PCCB: variants seen among roughly 807,000 people sequenced by gnomAD.
PCCB encodes propionyl-CoA carboxylase subunit beta.
A neutral mutation model predicts 60.7 loss-of-function variants in PCCB; 43 were observed. The ratio of observed to expected loss-of-function variants is 0.71; its 90% CI spans 0.55 to 0.91. The LOEUF (loss-of-function observed/expected upper bound fraction) is 0.91. PCCB is among the 40% of genes least tolerant of loss of function. The pLI is 0.00. For missense variants in PCCB, 766 were observed against 702.8 expected, an observed-to-expected ratio of 1.09 and a Z score of -1.02; for synonymous variants, 276 against 255.9, an observed-to-expected ratio of 1.08 and a Z score of -0.75.
intron 5 of PCCB, among the ~76,000 whole-genome samples, chr3:136,263,277 T>TAA (rs1941880041): frequency 3.2e-4 from 44 of 135,570 alleles, no homozygotes; most frequent in African/African-American, 1.1e-3. Flanking sequence ...TTTTTAATAT[T>TAA]TATTTATTTA....
rs1263629152 is a variant in PCCB at position 136,302,583 on chromosome 3, C to CT, written c.966+1475dup. On this transcript the variant is annotated intron_variant, in intron 9 of 14. Transcript: ENST00000251654. ...TTTATTTTATTTTATTATTATTATA[C>CT]TTTAAGTTTTAGGGTACATGTGCAC... is the stretch of plus-strand genomic sequence containing the variant. Among the ~76,000 whole-genome samples, 6 of 113,664 alleles carry CT rather than the reference C, an allele frequency of 5.3e-5. 2 individuals carry two copies. The highest frequency in any genetic ancestry group is 9.7e-5 in the Non-Finnish European group (5 of 51,346). The allele number at this position is 113,664 out of a possible 152,430, so 74.6% of individuals were successfully genotyped here. A position where few individuals can be genotyped will look rare whatever the true frequency, so the allele number is the denominator to read the frequency against.
At chr3:136,289,945 G>GAT (rs1933598178) in intron 6 of PCCB, among the ~76,000 whole-genome samples, 1 of 152,038 alleles carries the variant, frequency 6.6e-6, no homozygotes, top group East Asian at 1.9e-4. Context: ...TCCCTCATAT[G>GAT]ATATATATAA....
rs7618114 is a variant in PCCB, at chr3:136,310,724, T to G, written c.967-6217T>G. On this transcript the variant is annotated intron_variant, in intron 9 of 14. Transcript: ENST00000251654. ...AGTACTTAAGATTTCAGTTTCATAT[T>G]GCTTATTTCTTTAAAATTATATCTG... Among the ~76,000 whole-genome samples, 819 of 152,350 alleles carry G rather than the reference T, an allele frequency of 5.4e-3. 8 individuals carry two copies. Among genetic ancestry groups the G allele is most frequent in the African/African-American group, 0.018 (758 of 41,572 alleles).
intron 6 of PCCB, among the ~76,000 whole-genome samples, chr3:136,291,105 G>A (rs1933668392): frequency 6.6e-6 from 1 of 151,730 alleles, no homozygotes; most frequent in African/African-American, 2.4e-5. Context: ...TCTGCTTGCT[G>A]TCTACTCTAT....
At chr3:136,256,010 G>C in intron 2 of PCCB, 35 bp downstream of exon 2, 1 of 1,614,010 alleles carries the variant, frequency 6.2e-7, no homozygotes, top group Non-Finnish European at 8.5e-7. Context: ...ACACTTTTTA[G>C]GTGTGGCTCA....
At chr3:136,265,538 T>C (rs1003562147) in intron 5 of PCCB, among the ~76,000 whole-genome samples, 3 of 152,240 alleles carry the variant, frequency 2.0e-5, no homozygotes, top group Non-Finnish European at 2.9e-5. Context: ...ATTTTCATCA[T>C]TTACCAGTTG....
chr3:136,255,694 A>G (rs1035978153), intron 1 of PCCB, among the ~76,000 whole-genome samples, 162 bp from the exon 2 acceptor site: 1 of 152,174 alleles, frequency 6.6e-6, no homozygotes, highest in Non-Finnish European at 1.5e-5. Flanking sequence ...TCTAAAGTCT[A>G]CTAATAACAC....
chr3:136,273,344 A>G (rs1180517593), intron 5 of PCCB, among the ~76,000 whole-genome samples: 2 of 152,086 alleles, frequency 1.3e-5, no homozygotes, highest in Non-Finnish European at 2.9e-5. Flanking sequence ...GTTCTAGGGT[A>G]TACTTTAAGT....
intron 6 of PCCB, among the ~76,000 whole-genome samples, chr3:136,287,655 C>T (rs1207763796): frequency 6.6e-6 from 1 of 152,108 alleles, no homozygotes; most frequent in African/African-American, 2.4e-5. Context: ...GGGTGGTCTC[C>T]AAACTCTTGG....
intron 9 of PCCB, among the ~76,000 whole-genome samples, chr3:136,315,584 ACTT>A: frequency 6.6e-6 from 1 of 152,244 alleles, no homozygotes; most frequent in East Asian, 1.9e-4. Flanking sequence ...TAATCTCAGC[ACTT>A]TGGGAGGCTG....
chr3:136,284,287 C>T (rs1478918856), intron 6 of PCCB, among the ~76,000 whole-genome samples: 1 of 146,492 alleles, frequency 6.8e-6, no homozygotes, highest in Non-Finnish European at 1.5e-5. Flanking sequence ...GAAGGCTTTT[C>T]TGTAATCTGT....
At chr3:136,261,877 A>G in intron 4 of PCCB, 75 bp from the exon 5 acceptor site, 1 of 1,004,056 alleles carries the variant, frequency 1.0e-6, no homozygotes. Context: ...TCCAGAAAAC[A>G]CTGTGGTATT....
At chr3:136,296,834 A>G (rs926164266) in intron 7 of PCCB, among the ~76,000 whole-genome samples, 1 of 152,242 alleles carries the variant, frequency 6.6e-6, no homozygotes, top group Non-Finnish European at 1.5e-5. Context: ...ATGTAAAAAA[A>G]GAAACAAAAC....
chr3:136,268,092 A>ATATATATATATATATATATG (rs1942070135), intron 5 of PCCB, among the ~76,000 whole-genome samples: 3 of 54,474 alleles, frequency 5.5e-5, no homozygotes, highest in African/African-American at 2.1e-4. Flanking sequence ...GTGTAGATAT[A>ATATATATATATATATATATG]TATATATATA....
chr3:136,275,382 TC>T (rs1206898679), intron 5 of PCCB, among the ~76,000 whole-genome samples: 1 of 152,148 alleles, frequency 6.6e-6, no homozygotes, highest in Non-Finnish European at 1.5e-5. Context: ...CTATGGTGTC[TC>T]CTTGAGTAGC....
chr3:136,267,944 CTTTTTTTTTT>C (rs1190834904), intron 5 of PCCB, among the ~76,000 whole-genome samples: 1 of 103,464 alleles, frequency 9.7e-6, no homozygotes, highest in African/African-American at 3.8e-5. Flanking sequence ...AGGTTTGGCT[CTTTTTTTTTT>C]TTTTTTTTTG....
rs192709275 is a variant in PCCB at position 136,299,912 on chromosome 3, G to A, written c.885-1118G>A. 2.0e-5 allele frequency among the ~76,000 whole-genome samples: 3 copies of A among 151,682 alleles called. No individual in the cohort carries two copies. The East Asian group carries it at 5.8e-4, about 29-fold the overall frequency. On this transcript the variant is annotated intron_variant, in intron 8 of 14. Transcript: ENST00000251654. Reference sequence around the variant, plus strand: ...CGTATATGCGTACATATGTATGCATGTATATGTATGCATATGTATATGTAT... The same window carrying A: ...CGTATATGCGTACATATGTATGCATATATATGTATGCATATGTATATGTAT...
rs192582843 is a variant in PCCB, at chr3:136,299,116, C to T, written c.884+1044C>T. On this transcript the variant is annotated intron_variant, in intron 8 of 14. Transcript: ENST00000251654. ...GACATCACTTGAAGGTATTATGGCC[C>T]AGGAGCCCAGAAATGTCTGCATAGC... 2.0e-5 allele frequency among the ~76,000 whole-genome samples: 3 copies of T among 152,112 alleles called. No individual in the cohort carries two copies. In the East Asian group the frequency reaches 5.8e-4, roughly 29 times the overall value.
chr3:136,305,391 C>A (rs1934422180), intron 9 of PCCB, among the ~76,000 whole-genome samples: 1 of 121,826 alleles, frequency 8.2e-6, no homozygotes, highest in Non-Finnish European at 1.8e-5. Flanking sequence ...TGCACCTAGA[C>A]CATATATTTA....
Sources: gnomAD v4.1 joint callset for allele counts (sites outside exome capture counted in the v4.1 genomes callset) on GRCh38, gnomAD v4.1.1 for gene constraint, MANE v1.5 for transcripts, NCBI Gene and HGNC (gene_info 2026-07-23, HGNC 2026-07-21) for gene names.